Variants in NUTM2G observed in about 807,000 individuals in gnomAD.
NUTM2G encodes the protein family with sequence similarity 22, member G.
Under a neutral mutation model 44.3 loss-of-function variants are expected in NUTM2G, and 29 were observed. The ratio of observed to expected loss-of-function variants is 0.66; its 90% CI spans 0.49 to 0.89. The LOEUF (loss-of-function observed/expected upper bound fraction) is 0.89, where lower values mean the gene tolerates loss of function less well. Ranked by LOEUF, NUTM2G falls within the 40% of genes least tolerant of loss-of-function variation. NUTM2G has a pLI of 0.00. For missense variants in NUTM2G, 502 were observed against 946.5 expected, an observed-to-expected ratio of 0.53 and a Z score of 6.16; for synonymous variants, 205 against 395.9, an observed-to-expected ratio of 0.52 and a Z score of 5.72.
intron 2 of NUTM2G, among the ~76,000 whole-genome samples, chr9:96,934,937 C>T (rs896957728): frequency 5.3e-5 from 8 of 151,870 alleles, no homozygotes; most frequent in African/African-American, 1.9e-4. Context: ...GGTGTCTCCT[C>T]CTGCCCTTAT....
At position 96,932,983 on chromosome 9, in the gene NUTM2G, T is replaced by C. The variant is rs561344638; in HGVS notation, c.713+565T>C. 4.9e-3 allele frequency among the ~76,000 whole-genome samples: 713 copies of C among 144,862 alleles called. 5 individuals are homozygous for C. The highest frequency in any genetic ancestry group is 0.016 in the African/African-American group (613 of 37,226). On this transcript the variant is annotated intron_variant, in intron 2 of 6. Transcript: ENST00000372322. ...ACTTTCTTTTCTTTTCTTTTCTTTT[T>C]TTTTTTTTTTTTGAGATGGAGTCTC...
chr9:96,935,447 T>C lies in NUTM2G; in HGVS notation c.833T>C (p.Met278Thr), dbSNP rs1341303031. Reference sequence around the variant, plus strand: ...TTTGACCGGATGATTTTCTACGAGATGGCGGCAAAGTGAGTCTGGGGTCCT... The same window carrying C: ...TTTGACCGGATGATTTTCTACGAGACGGCGGCAAAGTGAGTCTGGGGTCCT... ...SNFDRMIFYEMAAKFLEFEAE... is the reference protein window; with the variant it reads ...SNFDRMIFYETAAKFLEFEAE... Residue 278 changes from methionine to threonine, a missense_variant, in exon 3 of 7, where the codon ATG (methionine) becomes ACG (threonine). Transcript: ENST00000372322. 2 of 1,611,690 alleles carry C rather than the reference T, an allele frequency of 1.2e-6. No individual in the cohort carries two copies. The highest frequency in any genetic ancestry group is 1.3e-5 in the African/African-American group (1 of 74,784).
At chr9:96,934,472 G>A (rs1366409528) in intron 2 of NUTM2G, among the ~76,000 whole-genome samples, 13 of 151,988 alleles carry the variant, frequency 8.6e-5, no homozygotes, top group East Asian at 5.9e-4. Flanking sequence ...GAGTGTAGCC[G>A]CCCCGGGCTC....
Position 96,936,529 on chromosome 9 carries a change from G to A in NUTM2G, c.947G>A (p.Arg316Gln), listed in dbSNP as rs1194623251. 8 of 1,554,004 alleles carry A rather than the reference G, an allele frequency of 5.1e-6. No individual in the cohort carries two copies. Among genetic ancestry groups the A allele is most frequent in the East Asian group, 4.7e-5 (2 of 42,456 alleles). The change falls in exon 4 of 7, where the codon CGA (arginine) becomes CAA (glutamine). Residue 316 changes from arginine to glutamine, a missense_variant. Coordinates refer to ENST00000372322, the MANE Select transcript of NUTM2G (RefSeq NM_001170741.3). Reference sequence around the variant, plus strand: ...CCAGCCCCGCCGAGGCTTGAACCTCGAGGACCCCCTGCCCCTGAGGTGGTC... The same window carrying A: ...CCAGCCCCGCCGAGGCTTGAACCTCAAGGACCCCCTGCCCCTGAGGTGGTC... ...PPPAPPRLEPRGPPAPEVVKQ... is the reference protein window; with the variant it reads ...PPPAPPRLEPQGPPAPEVVKQ...
At chr9:96,936,323 G>A (rs1309210977) in intron 3 of NUTM2G, 102 bp from the exon 4 acceptor site, 9 of 1,532,622 alleles carry the variant, frequency 5.9e-6, no homozygotes, top group East Asian at 2.4e-5. Flanking sequence ...TAGACAGCCC[G>A]CCGGAGGCAC....
chr9:96,935,385 G>C lies in NUTM2G; in HGVS notation c.771G>C (p.Leu257=). Residue 257 remains leucine, a synonymous_variant, in exon 3 of 7, where the codon CTG becomes CTC. Coordinates refer to ENST00000372322, the MANE Select transcript of NUTM2G (RefSeq NM_001170741.3). ...CCACCATGACGCTGGAGGAGGGACT[G>C]TGGCGGGCCATGCGGGAATGGCAGC... is the stretch of plus-strand genomic sequence containing the variant. ...RKPTMTLEEG[L]WRAMREWQHT... 1 of 1,612,086 alleles carries C rather than the reference G, an allele frequency of 6.2e-7. No individual in the cohort carries two copies. The highest frequency in any genetic ancestry group is 8.5e-7 in the Non-Finnish European group (1 of 1,179,874).
chr9:96,936,862 A>G (rs1826448249), intron 4 of NUTM2G, among the ~76,000 whole-genome samples: 1 of 152,190 alleles, frequency 6.6e-6, no homozygotes, highest in Admixed American at 6.5e-5. Flanking sequence ...AGTACACGGC[A>G]TATCGGTGGC....
downstream of NUTM2G, among the ~76,000 whole-genome samples, chr9:96,941,152 T>C (rs964948074): frequency 2.0e-5 from 3 of 149,860 alleles, no homozygotes; most frequent in Admixed American, 1.3e-4. Context: ...CTCACCTAAG[T>C]GTGAAAGTGA....
Position 96,932,959 on chromosome 9 carries a change from CTTTCT to C in NUTM2G, c.713+560_713+564del, listed in dbSNP as rs1171504742. 9.3e-4 allele frequency among the ~76,000 whole-genome samples: 138 copies of C among 148,972 alleles called. 1 individual carries two copies. Among genetic ancestry groups the C allele is most frequent in the East Asian group, 3.6e-3 (18 of 4,974 alleles). ...CCATCATGCCCCGCCCCAATACTTA[CTTTCT>C]TTTCTTTTCTTTTCTTTTTTTTTTT... On this transcript the variant is annotated intron_variant, in intron 2 of 6. Coordinates refer to ENST00000372322, the MANE Select transcript of NUTM2G (RefSeq NM_001170741.3).
Position 96,937,974 on chromosome 9 carries a change from G to A in NUTM2G, c.1413G>A (p.Glu471=), listed in dbSNP as rs913546535. 1.7e-5 allele frequency: 28 copies of A among 1,612,098 alleles called. 1 individual carries two copies. In the Admixed American group the frequency reaches 3.0e-4, roughly 17 times the overall value. Reference sequence around the variant, plus strand: ...TCTTGGCCCTAAGCCAGGAGCTGGAGCAGGAGGAAGGACTCACCCTTGCCC... The same window carrying A: ...TCTTGGCCCTAAGCCAGGAGCTGGAACAGGAGGAAGGACTCACCCTTGCCC... ...MDFLALSQEL[E]QEEGLTLAQL... Residue 471 remains glutamate, a synonymous_variant, in exon 6 of 7, where the codon GAG becomes GAA. Coordinates refer to ENST00000372322, the MANE Select transcript of NUTM2G (RefSeq NM_001170741.3).
At chr9:96,930,534 AAAAAG>A (rs1290985982) in intron 1 of NUTM2G, among the ~76,000 whole-genome samples, 1 of 147,886 alleles carries the variant, frequency 6.8e-6, no homozygotes, top group African/African-American at 2.5e-5. Context: ...AAAAAAAAAA[AAAAAG>A]AAAAAAAAGA....
chr9:96,932,741 C>T (rs1826306275), intron 2 of NUTM2G, among the ~76,000 whole-genome samples: 1 of 151,778 alleles, frequency 6.6e-6, no homozygotes, highest in African/African-American at 2.4e-5. Context: ...CAACCTCCGC[C>T]TCCTGGGTTC....
chr9:96,929,258 A>G (rs1310359623), intron 1 of NUTM2G, among the ~76,000 whole-genome samples: 2 of 152,106 alleles, frequency 1.3e-5, no homozygotes, highest in East Asian at 3.9e-4. Flanking sequence ...GGGGGAATAC[A>G]CCGTGTAGTG....
chr9:96,933,521 C>T (rs1826336825), intron 2 of NUTM2G: 2 of 151,918 alleles, frequency 1.3e-5, no homozygotes, highest in South Asian at 2.1e-4. Flanking sequence ...CAGGTGCCCG[C>T]CACCATGCCC....
downstream of NUTM2G, chr9:96,940,009 C>CCG (rs754304815): frequency 3.5e-5 from 3 of 85,282 alleles, no homozygotes; most frequent in African/African-American, 1.5e-4. Flanking sequence ...TGGAGCTCCC[C>CCG]CAACAGCTAT....
At chr9:96,937,820 G>T in intron 5 of NUTM2G, 65 bp from the exon 6 acceptor site, 1 of 1,596,532 alleles carries the variant, frequency 6.3e-7, no homozygotes, top group Non-Finnish European at 8.6e-7. Context: ...CATCTCCTCC[G>T]GGTGTCCTTG....
Position 96,937,064 on chromosome 9 carries a change from T to C in NUTM2G, c.983T>C (p.Val328Ala), listed in dbSNP as rs765048672. The C allele has an allele frequency of 2.0e-5, 32 of 1,604,614 alleles. No individual in the cohort carries two copies. Among genetic ancestry groups the C allele is most frequent in the Admixed American group, 6.8e-5 (4 of 59,216 alleles). ...CCATCCTCCTCCCTCTCTGCCTCAG[T>C]GTACCTTCCCAGCAAGGATGGCCCC... The part of the protein sequence containing the change: ...PPAPEVVKQP[V>A]YLPSKDGPKA... Residue 328 changes from valine (V) to alanine (A), a missense_variant and splice_region_variant, in exon 5 of 7, where the codon GTG (valine) becomes GCG (alanine). Coordinates refer to ENST00000372322, the MANE Select transcript of NUTM2G (RefSeq NM_001170741.3).
At position 96,931,673 on chromosome 9, in the gene NUTM2G, G is replaced by A. The variant is rs762585157; in HGVS notation, c.17-49G>A. 3.1e-6 allele frequency: 5 copies of A among 1,606,562 alleles called. No individual in the cohort carries two copies. In the South Asian group the frequency reaches 4.4e-5, roughly 14 times the overall value. On this transcript the variant is annotated intron_variant, in intron 1 of 6. Transcript: ENST00000372322. ...CTCCCCTGATTCCCCAGTGACTAGA[G>A]TGGACCTGGAGACGCCAGCTCATTC... is the stretch of plus-strand genomic sequence containing the variant.
chr9:96,942,890 C>T (rs1826628221), downstream of NUTM2G: 5 of 149,460 alleles, frequency 3.3e-5, no homozygotes, highest in South Asian at 1.0e-3. Context: ...ATCCCCTTGC[C>T]CTTCATTAGA....
Sources: allele counts gnomAD v4.1 joint callset (sites outside exome capture counted in the v4.1 genomes callset), GRCh38; gene constraint gnomAD v4.1.1; transcripts MANE v1.5; gene names NCBI Gene and HGNC (gene_info 2026-07-23, HGNC 2026-07-21).